GALM: variants seen among roughly 807,000 people sequenced by gnomAD.
GALM encodes galactose mutarotase, also known as aldose 1-epimerase.
GALM carries 43 observed loss-of-function variants against 37.4 expected under a neutral mutation model. The observed-to-expected ratio is 1.15, with a 90% CI of 0.90 to 1.48. GALM has a LOEUF of 1.48. Among genes scored for constraint, GALM ranks in the 40% most tolerant of loss-of-function variants. GALM has a pLI of 0.00. For missense variants in GALM, 456 were observed against 419.1 expected, an observed-to-expected ratio of 1.09 and a Z score of -0.77; for synonymous variants, 199 against 170.6, an observed-to-expected ratio of 1.17 and a Z score of -1.30.
intron 3 of GALM, among the ~76,000 whole-genome samples, chr2:38,689,012 G>A (rs1462558641): frequency 2.6e-5 from 4 of 152,148 alleles, no homozygotes; most frequent in African/African-American, 4.8e-5. Context: ...TAGAGACGGG[G>A]CTTCTTCTTT....
At position 38,731,888 on chromosome 2, in the gene GALM, C is replaced by A. The variant is rs200689749; in HGVS notation, c.930C>A (p.Asn310Lys). The A allele has an allele frequency of 2.7e-5, 44 of 1,614,190 alleles. No homozygotes were observed. The highest frequency in any genetic ancestry group is 3.6e-5 in the Non-Finnish European group (43 of 1,180,018). Residue 310 changes from asparagine (N) to lysine (K), a missense_variant, in exon 6 of 7, where the codon AAC (asparagine) becomes AAA (lysine). Coordinates refer to ENST00000272252, the MANE Select transcript of GALM (RefSeq NM_138801.3). The stretch of plus-strand genomic sequence containing the variant: ...CCGGTTTCTGCCTGGAGACTCAGAA[C>A]TGGCCTGATGCAGTCAATCAGGTAA... Reference protein sequence around the residue: ...KHSGFCLETQNWPDAVNQPRF... With the variant: ...KHSGFCLETQKWPDAVNQPRF...
Position 38,733,706 on chromosome 2 carries a change from C to A in GALM, c.*141C>A. 1.4e-6 allele frequency: 1 copy of A among 703,882 alleles called. No individual in the cohort carries two copies. Among genetic ancestry groups the A allele is most frequent in the Non-Finnish European group, 2.6e-6 (1 of 390,254 alleles). The allele number at this position is 703,882 out of a possible 1,614,324, so 43.6% of individuals were successfully genotyped here. A position where few individuals can be genotyped will look rare whatever the true frequency, so the allele number is the denominator to read the frequency against. ...AATGGTGGCTGTTCTGAGAATCAGT[C>A]TGGGTATTGATTTCCTTTTCCAGTG... On this transcript the variant is annotated 3_prime_UTR_variant, in exon 7 of 7. Transcript: ENST00000272252.
intron 3 of GALM, among the ~76,000 whole-genome samples, chr2:38,681,856 A>G (rs1035381751): frequency 2.0e-5 from 3 of 152,170 alleles, no homozygotes; most frequent in African/African-American, 7.2e-5. Flanking sequence ...AGCTTTGGAA[A>G]TGGGCATGGT....
At chr2:38,694,003 G>C (rs925949217) in intron 4 of GALM, among the ~76,000 whole-genome samples, 2 of 152,132 alleles carry the variant, frequency 1.3e-5, no homozygotes, top group Non-Finnish European at 2.9e-5. Context: ...AACATAGGGA[G>C]ACCCTGTTAA....
At chr2:38,728,308 C>T (rs1396898342) in intron 4 of GALM, among the ~76,000 whole-genome samples, 4 of 151,852 alleles carry the variant, frequency 2.6e-5, no homozygotes, top group East Asian at 3.9e-4. Context: ...GTGGGAGAAT[C>T]ACTTGAACCT....
chr2:38,692,547 G>A (rs767530440), intron 4 of GALM, among the ~76,000 whole-genome samples: 2 of 152,126 alleles, frequency 1.3e-5, no homozygotes, highest in Non-Finnish European at 2.9e-5. Context: ...CACCATGCTG[G>A]TCCTCATCTG....
At chr2:38,693,899 G>A (rs918594676) in intron 4 of GALM, among the ~76,000 whole-genome samples, 1 of 152,186 alleles carries the variant, frequency 6.6e-6, no homozygotes, top group Non-Finnish European at 1.5e-5. Context: ...TGTCAAGAAG[G>A]TTTGGTGCCA....
rs561330236 is a variant in GALM, at chr2:38,674,801, G to A, written c.191-1111G>A. On this transcript the variant is annotated intron_variant, in intron 1 of 6. Transcript: ENST00000272252. ...GTTATACAGTCCCCCTTCAACCATA[G>A]TTTTGCTTCCTGCAGTTTCAGTTAC... Among the ~76,000 whole-genome samples, 11 of 152,316 alleles carry A rather than the reference G, an allele frequency of 7.2e-5. No homozygotes were observed. The South Asian group carries it at 2.3e-3, about 32-fold the overall frequency.
In GALM at chr2:38,731,996, A is replaced by G. The variant is rs1666618973; in HGVS notation, c.951+87A>G. ...GTTCACTACACTCGAATCAGCTTGT[A>G]TGATTCAAAAGTTCATGCTTTGTTT... On this transcript the variant is annotated intron_variant, in intron 6 of 6. Coordinates refer to ENST00000272252, the MANE Select transcript of GALM (RefSeq NM_138801.3). 3.6e-6 allele frequency: 4 copies of G among 1,096,600 alleles called. No homozygotes were observed. The Admixed American group carries it at 6.5e-5, about 18-fold the overall frequency. 67.9% of individuals were successfully genotyped at this position (1,096,600 alleles called of 1,614,324 possible). A position where few individuals can be genotyped will look rare whatever the true frequency, so the allele number is the denominator to read the frequency against.
Position 38,676,050 on chromosome 2 carries a change from T to TC in GALM, c.330dup (p.Arg111GlnfsTer4). On this transcript the variant is annotated frameshift_variant, in exon 2 of 7. Transcript: ENST00000272252. LOFTEE classifies it high-confidence loss of function. The stretch of plus-strand genomic sequence containing the variant: ...GAACCCAACAGTCTGCATGGAGGAG[T>TC]CAGAGGGTTTGATAAAGTAAGTACG... 1 of 1,613,574 alleles carries TC rather than the reference T, an allele frequency of 6.2e-7. No individual in the cohort carries two copies.
At chr2:38,706,400 C>T (rs201329865) in intron 4 of GALM, among the ~76,000 whole-genome samples, 6 of 146,986 alleles carry the variant, frequency 4.1e-5, no homozygotes, top group Non-Finnish European at 7.5e-5. Context: ...CCAGGTTGGG[C>T]GTGGTGGCTC....
Position 38,733,579 on chromosome 2 carries a change from TATG to T in GALM, c.*17_*19del. ...TCTGTGGCTTAAGGAAGTGTGAAGA[TATG>T]ATCCAGTCCAGGGCTAGGCTCAGCC... On this transcript the variant is annotated 3_prime_UTR_variant, in exon 7 of 7. Transcript: ENST00000272252. 6.2e-7 allele frequency: 1 copy of T among 1,600,584 alleles called. No individual in the cohort carries two copies. The highest frequency in any genetic ancestry group is 8.6e-7 in the Non-Finnish European group (1 of 1,167,812).
intron 4 of GALM, among the ~76,000 whole-genome samples, chr2:38,722,220 C>A (rs745630802): frequency 1.6e-4 from 24 of 152,074 alleles, no homozygotes; most frequent in Non-Finnish European, 2.2e-4. Context: ...ATGAGAATCA[C>A]CCCTTTGCAC....
At chr2:38,697,734 C>T (rs1026168390) in intron 4 of GALM, among the ~76,000 whole-genome samples, 1 of 152,096 alleles carries the variant, frequency 6.6e-6, no homozygotes, top group African/African-American at 2.4e-5. Flanking sequence ...TAGTAACCCA[C>T]TTATGGATGG....
chr2:38,722,539 C>T (rs1384846019), intron 4 of GALM, among the ~76,000 whole-genome samples: 1 of 152,196 alleles, frequency 6.6e-6, no homozygotes, highest in Non-Finnish European at 1.5e-5. Flanking sequence ...AAGAAATCCT[C>T]TTCAGAAACT....
At position 38,666,114 on chromosome 2, in the gene GALM, G is replaced by A. The variant is rs553074409; in HGVS notation, c.-48G>A. On this transcript the variant is annotated 5_prime_UTR_variant, in exon 1 of 7. Coordinates refer to ENST00000272252, the MANE Select transcript of GALM (RefSeq NM_138801.3). ...TTGGGTCGCCTCTAGCTTAGCGAGC[G>A]CTGGAGTTTGAAGAGCGGGCAGTGG... 645 of 1,540,788 alleles carry A rather than the reference G, an allele frequency of 4.2e-4. 16 individuals are homozygous for A. The South Asian group carries it at 7.2e-3, about 17-fold the overall frequency.
chr2:38,698,785 T>C (rs1462870250), intron 4 of GALM, among the ~76,000 whole-genome samples: 1 of 152,214 alleles, frequency 6.6e-6, no homozygotes, highest in Non-Finnish European at 1.5e-5. Flanking sequence ...TATATATTGT[T>C]TGTTTTTGAG....
intron 4 of GALM, among the ~76,000 whole-genome samples, chr2:38,699,095 GT>G (rs1665866480): frequency 1.3e-5 from 2 of 150,952 alleles, no homozygotes; most frequent in Admixed American, 6.6e-5. Flanking sequence ...TGTATTTTTA[GT>G]AGAGACGGGG....
At chr2:38,709,958 T>C (rs908978257) in intron 4 of GALM, among the ~76,000 whole-genome samples, 2 of 152,180 alleles carry the variant, frequency 1.3e-5, no homozygotes, top group Admixed American at 6.5e-5. Flanking sequence ...ACAGACATAA[T>C]TGGAGCAGCT....
Sources: gnomAD v4.1 joint callset for allele counts (sites outside exome capture counted in the v4.1 genomes callset) on GRCh38, gnomAD v4.1.1 for gene constraint, MANE v1.5 for transcripts, NCBI Gene and HGNC (gene_info 2026-07-23, HGNC 2026-07-21) for gene names.